Variants in BBS12 observed in about 807,000 individuals in gnomAD.
The protein encoded by BBS12 is chaperonin-containing T-complex member BBS12.
BBS12 carries 5 observed loss-of-function variants against 5.6 expected under a neutral mutation model. The observed-to-expected ratio is 0.89, with a 90% CI of 0.46 to 1.86. The LOEUF is 1.86. BBS12 is among the 40% of genes most tolerant of loss of function. The probability of loss-of-function intolerance (pLI) is 0.01; values close to 1 mark genes in which losing one functional copy is unlikely to be tolerated. For synonymous variants in BBS12, 308 were observed against 306.8 expected (o/e 1.00, Z -0.04); for missense variants, 748 against 830.4 (o/e 0.90, Z 1.22).
the BBS12 span, among the ~76,000 whole-genome samples, chr4:122,727,532 C>T: frequency 2.4e-5 from 3 of 126,610 alleles, no homozygotes; most frequent in East Asian, 2.7e-4. Context: ...CATGAGCCAC[C>T]GCCCCTGGCC....
At chr4:122,733,196 C>A (rs1352459864) in intron 1 of BBS12, among the ~76,000 whole-genome samples, 1 of 152,118 alleles carries the variant, frequency 6.6e-6, no homozygotes, top group Non-Finnish European at 1.5e-5. Context: ...ATAGCAGTGG[C>A]ATGGGGTAAC....
At chr4:122,703,836 C>A in the BBS12 span, among the ~76,000 whole-genome samples, 1 of 152,056 alleles carries the variant, frequency 6.6e-6, no homozygotes, top group African/African-American at 2.4e-5. Context: ...TTTATTTATG[C>A]ATGTATTAAT....
chr4:122,703,637 G>T, the BBS12 span, among the ~76,000 whole-genome samples: 4 of 152,126 alleles, frequency 2.6e-5, no homozygotes, highest in Admixed American at 2.0e-4. Flanking sequence ...ACCTCCCTTG[G>T]TGCTTCTGTC....
chr4:122,729,865 T>A (rs1297067921), upstream of BBS12: 3 of 152,210 alleles, frequency 2.0e-5, no homozygotes, highest in Non-Finnish European at 2.9e-5. Context: ...GAGAATCTCT[T>A]GAGCCCAGGA....
At chr4:122,739,913 C>A (rs1800840553) in intron 1 of BBS12, among the ~76,000 whole-genome samples, 1 of 152,214 alleles carries the variant, frequency 6.6e-6, no homozygotes, top group Non-Finnish European at 1.5e-5. Flanking sequence ...CTCTAAGATG[C>A]ATCATAAATG....
chr4:122,705,225 C>G, the BBS12 span, among the ~76,000 whole-genome samples: 1 of 152,178 alleles, frequency 6.6e-6, no homozygotes, highest in African/African-American at 2.4e-5. Flanking sequence ...GATAGCTCAG[C>G]CTCAATCAGT....
At chr4:122,709,139 A>C in the BBS12 span, among the ~76,000 whole-genome samples, 1 of 152,178 alleles carries the variant, frequency 6.6e-6, no homozygotes, top group African/African-American at 2.4e-5. Flanking sequence ...CGATATTACA[A>C]ACATACAATT....
chr4:122,716,646 T>TACAC, the BBS12 span, among the ~76,000 whole-genome samples: 440 of 91,714 alleles, frequency 4.8e-3, 7 homozygotes, highest in African/African-American at 0.021. Context: ...TATACACACG[T>TACAC]GTGTGTATAT....
chr4:122,743,515 A>T lies in BBS12; in HGVS notation c.1623A>T (p.Ala541=), dbSNP rs368003653. 3.7e-6 allele frequency: 6 copies of T among 1,614,116 alleles called. No homozygotes were observed. The highest frequency in any genetic ancestry group is 1.3e-5 in the African/African-American group (1 of 74,946). ...AAAAGGTCTTCCTTGGAGGTGGTGC[A>T]GTTGAATTTTTGTGTCTTAGCTGTC... ...KEEKVFLGGG[A]VEFLCLSCLH... is the part of the protein sequence containing the mutation. Residue 541 remains alanine (A), a synonymous_variant, in exon 2 of 2, where the codon GCA becomes GCT. Coordinates refer to ENST00000314218, the MANE Select transcript of BBS12 (RefSeq NM_152618.3).
At position 122,743,610 on chromosome 4, in the gene BBS12, C is replaced by T. The variant is rs867001910; in HGVS notation, c.1718C>T (p.Ser573Phe). The part of the protein sequence containing the change: ...HACSGWLHNT[S>F]SWLASSLAIY... ...TGCTCAGGGTGGCTGCATAATACTT[C>T]CTCTTGGCTGGCTTCATCTCTGGCA... is the stretch of plus-strand genomic sequence containing the variant. Residue 573 changes from serine (S) to phenylalanine (F), a missense_variant, in exon 2 of 2, where the codon TCC becomes TTC. Ser to Phe is a radical substitution (Grantham distance 155, BLOSUM62 -2). Coordinates refer to ENST00000314218, the MANE Select transcript of BBS12 (RefSeq NM_152618.3). 6.2e-7 allele frequency: 1 copy of T among 1,614,006 alleles called. No individual in the cohort carries two copies.
the BBS12 span, among the ~76,000 whole-genome samples, chr4:122,724,398 G>C: frequency 6.6e-6 from 1 of 152,134 alleles, no homozygotes; most frequent in Non-Finnish European, 1.5e-5. Context: ...GAAAAGAGGA[G>C]GAGAAACATA....
chr4:122,702,942 A>C, the BBS12 span, among the ~76,000 whole-genome samples: 1 of 152,248 alleles, frequency 6.6e-6, no homozygotes, highest in African/African-American at 2.4e-5. Flanking sequence ...AGAATGTTTT[A>C]ATAACCAAAA....
At chr4:122,704,424 C>T in the BBS12 span, among the ~76,000 whole-genome samples, 1 of 152,182 alleles carries the variant, frequency 6.6e-6, no homozygotes, top group Admixed American at 6.5e-5. Context: ...TCACTGTGAC[C>T]TGACCAAGGA....
chr4:122,742,643 G>A lies in BBS12; in HGVS notation c.751G>A (p.Gly251Arg). The A allele has an allele frequency of 6.2e-7, 1 of 1,614,200 alleles. No homozygotes were observed. Among genetic ancestry groups the A allele is most frequent in the Non-Finnish European group, 8.5e-7 (1 of 1,180,034 alleles). The change falls in exon 2 of 2, where the codon GGA becomes AGA. Residue 251 changes from glycine to arginine, a missense_variant. By Grantham distance (125) the Gly-to-Arg change is moderately radical. Coordinates refer to ENST00000314218, the MANE Select transcript of BBS12 (RefSeq NM_152618.3). ...DNTEGVSKPDGFQEHVTATHK... is the reference protein window; with the variant it reads ...DNTEGVSKPDRFQEHVTATHK... ...TACTGAAGGGGTAAGCAAACCAGAT[G>A]GATTTCAAGAACATGTTACAGCTAC...
chr4:122,723,976 TAA>T, the BBS12 span, among the ~76,000 whole-genome samples: 1 of 152,188 alleles, frequency 6.6e-6, no homozygotes, highest in Non-Finnish European at 1.5e-5. Context: ...CATCATGTAA[TAA>T]GTCTATTTAA....
In BBS12 at chr4:122,742,560, A is replaced by G. The variant is rs1060501473; in HGVS notation, c.668A>G (p.Asp223Gly). 18 of 1,614,272 alleles carry G rather than the reference A, an allele frequency of 1.1e-5. No homozygotes were observed. Among genetic ancestry groups the G allele is most frequent in the Non-Finnish European group, 1.5e-5 (18 of 1,180,046 alleles). The change falls in exon 2 of 2, where the codon GAT becomes GGT. Residue 223 changes from aspartate to glycine, a missense_variant. Physicochemically the swap from Asp to Gly is moderately conservative, Grantham distance 94 (BLOSUM62 -1). Coordinates refer to ENST00000314218, the MANE Select transcript of BBS12 (RefSeq NM_152618.3). The part of the protein sequence containing the change: ...SRTLKNSLLA[D>G]TCCRQSILIH... ...ACTCTGAAAAACAGCCTGCTTGCAG[A>G]TACCTGCTGCAGACAGTCAATACTA...
In BBS12 at chr4:122,743,083, A is replaced by T. The variant is rs773545960; in HGVS notation, c.1191A>T (p.Ala397=). 2 of 1,614,274 alleles carry T rather than the reference A, an allele frequency of 1.2e-6. No homozygotes were observed. Among genetic ancestry groups the T allele is most frequent in the Non-Finnish European group, 8.5e-7 (1 of 1,180,046 alleles). Residue 397 remains alanine, a synonymous_variant, in exon 2 of 2, where the codon GCA becomes GCT. Coordinates refer to ENST00000314218, the MANE Select transcript of BBS12 (RefSeq NM_152618.3). The stretch of plus-strand genomic sequence containing the variant: ...AAGACAGCTCAGAAGAACTGTGGGC[A>T]AATCACGTGTTACAGGTGTTAATCC... ...LQEDSSEELW[A]NHVLQVLIQF...
chr4:122,700,684 A>T, the BBS12 span, among the ~76,000 whole-genome samples: 1 of 152,186 alleles, frequency 6.6e-6, no homozygotes, highest in East Asian at 1.9e-4. Flanking sequence ...AGGATGTCCA[A>T]ATTGGTGTTG....
At chr4:122,716,644 C>CGT in the BBS12 span, among the ~76,000 whole-genome samples, 114 of 95,186 alleles carry the variant, frequency 1.2e-3, 10 homozygotes, top group Middle Eastern at 5.3e-3. Flanking sequence ...TATATACACA[C>CGT]GTGTGTGTAT....
Sources: gnomAD v4.1 joint callset for allele counts (sites outside exome capture counted in the v4.1 genomes callset) on GRCh38, gnomAD v4.1.1 for gene constraint, MANE v1.5 for transcripts, NCBI Gene and HGNC (gene_info 2026-07-23, HGNC 2026-07-21) for gene names.